KRTAP4-11: variants seen among roughly 807,000 people sequenced by gnomAD.
The protein encoded by KRTAP4-11 is keratin-associated protein 4-11.
KRTAP4-11 carries 3 observed loss-of-function variants against 3.4 expected under a neutral mutation model. That is an observed-to-expected ratio of 0.87 (90% CI 0.40 to 2.26). KRTAP4-11 has a LOEUF of 2.26. Ranked by LOEUF, KRTAP4-11 falls within the 30% of genes most tolerant of loss-of-function variation. The probability of loss-of-function intolerance (pLI) is 0.05; values close to 1 mark genes in which losing one functional copy is unlikely to be tolerated. For missense variants in KRTAP4-11, 248 were observed against 258.8 expected (o/e 0.96, Z 0.29); for synonymous variants, 94 against 89.4 (o/e 1.05, Z -0.29).
Position 41,117,843 on chromosome 17 carries a change from C to G in KRTAP4-11, c.473G>C (p.Cys158Ser), listed in dbSNP as rs779123087. 6 of 1,608,262 alleles carry G rather than the reference C, an allele frequency of 3.7e-6. No homozygotes were observed. In the Admixed American group the frequency reaches 8.6e-5, roughly 23 times the overall value. ...SCCESSCCRP[C>S]CCLRPVCGRV... ...GCCACAGACTGGACGCAGGCAGCAG[C>G]AGGGGCGGCAGCAGCTGGATTCACA... The change falls in exon 1 of 1, where the codon TGC (cysteine) becomes TCC (serine). Residue 158 changes from cysteine (C) to serine (S), a missense_variant. Physicochemically the swap from Cys to Ser is moderately radical, Grantham distance 112 (BLOSUM62 -1). This residue lies in a region of KRTAP4-11 where 131 missense variants were observed against 130.2 expected (regional missense o/e 1.01). Transcript: ENST00000391413.
rs2014329723 is a variant in KRTAP4-11, at chr17:41,118,268, G to A, written c.48C>T (p.Gly16=). ...AGCAGGTCTCCTGGCAGAGGTCTCG[G>A]CCACAGCCTTGGTGAGAGCACACGG... ...CGSVCSHQGC[G]RDLCQETCCR... is the part of the protein sequence containing the mutation. The change falls in exon 1 of 1, where the codon GGC becomes GGT. Residue 16 remains glycine (G), a synonymous_variant. Coordinates refer to ENST00000391413, the MANE Select transcript of KRTAP4-11 (RefSeq NM_033059.4). 1.9e-6 allele frequency: 3 copies of A among 1,612,944 alleles called. No homozygotes were observed. The highest frequency in any genetic ancestry group is 2.5e-6 in the Non-Finnish European group (3 of 1,179,582).
rs754866083 is a variant in KRTAP4-11, at chr17:41,117,961, A to G, written c.355T>C (p.Cys119Arg). The G allele has an allele frequency of 6.7e-7, 1 of 1,497,876 alleles. No individual in the cohort carries two copies. Among genetic ancestry groups the G allele is most frequent in the Non-Finnish European group, 9.0e-7 (1 of 1,113,988 alleles). 92.8% of individuals were successfully genotyped at this position (1,497,876 alleles called of 1,614,324 possible). A position where few individuals can be genotyped will look rare whatever the true frequency, so the allele number is the denominator to read the frequency against. The change falls in exon 1 of 1, where the codon TGC (cysteine) becomes CGC (arginine). Residue 119 changes from cysteine (C) to arginine (R), a missense_variant. Coordinates refer to ENST00000391413, the MANE Select transcript of KRTAP4-11 (RefSeq NM_033059.4). Reference protein sequence around the residue: ...CCRPSCCVSSCCRPQCCQSVC... With the variant: ...CCRPSCCVSSRCRPQCCQSVC... ...GACTGGCAGCACTGGGGTCTGCAGC[A>G]GCTGGACACACAGCAGCTGGGGCGA...
Position 41,117,613 on chromosome 17 carries a change from G to T in KRTAP4-11, c.*115C>A, listed in dbSNP as rs2014304420. On this transcript the variant is annotated 3_prime_UTR_variant, in exon 1 of 1. Transcript: ENST00000391413. The stretch of plus-strand genomic sequence containing the variant: ...GTGATGGGCTCATTGGAAACATGAA[G>T]TCCACCCTGCTGAATGACATCAATC... 1.4e-6 allele frequency: 2 copies of T among 1,443,476 alleles called. No individual in the cohort carries two copies. Among genetic ancestry groups the T allele is most frequent in the African/African-American group, 1.4e-5 (1 of 69,484 alleles). The allele number at this position is 1,443,476 out of a possible 1,614,324, so 89.4% of individuals were successfully genotyped here. A position where few individuals can be genotyped will look rare whatever the true frequency, so the allele number is the denominator to read the frequency against.
At position 41,118,088 on chromosome 17, in the gene KRTAP4-11, GCGACAGCAGC is replaced by G. The variant is rs747899852; in HGVS notation, c.218_227del (p.Ser73ThrfsTer171). Reference sequence around the variant, plus strand: ...AGCAGCTGGACACACAGCAGCTGGGGCGACAGCAGCTGGAGATGCAGCATCTGGGGCGGCA... The same window carrying G: ...AGCAGCTGGACACACAGCAGCTGGGGTGGAGATGCAGCATCTGGGGCGGCA... On this transcript the variant is annotated frameshift_variant, in exon 1 of 1. Coordinates refer to ENST00000391413, the MANE Select transcript of KRTAP4-11 (RefSeq NM_033059.4). LOFTEE classifies it low-confidence loss of function (END_TRUNC). 6.3e-7 allele frequency: 1 copy of G among 1,581,258 alleles called. No homozygotes were observed. The highest frequency in any genetic ancestry group is 1.5e-5 in the African/African-American group (1 of 67,316).
rs9897031 is a variant in KRTAP4-11 at position 41,118,266 on chromosome 17, C to G, written c.50G>C (p.Arg17Pro). 10 of 1,609,786 alleles carry G rather than the reference C, an allele frequency of 6.2e-6. No homozygotes were observed. Among genetic ancestry groups the G allele is most frequent in the African/African-American group, 2.7e-5 (2 of 73,850 alleles). Reference sequence around the variant, plus strand: ...GCAGCAGGTCTCCTGGCAGAGGTCTCGGCCACAGCCTTGGTGAGAGCACAC... The same window carrying G: ...GCAGCAGGTCTCCTGGCAGAGGTCTGGGCCACAGCCTTGGTGAGAGCACAC... Reference protein sequence around the residue: ...GSVCSHQGCGRDLCQETCCRP... With the variant: ...GSVCSHQGCGPDLCQETCCRP... Residue 17 changes from arginine to proline, a missense_variant, in exon 1 of 1, where the codon CGA becomes CCA. Arg to Pro is a moderately radical substitution (Grantham distance 103). This residue lies in a region of KRTAP4-11 where 110 missense variants were observed against 102.8 expected (regional missense o/e 1.07). Coordinates refer to ENST00000391413, the MANE Select transcript of KRTAP4-11 (RefSeq NM_033059.4).
In KRTAP4-11 at chr17:41,118,174, T is replaced by C. The variant is rs760092771; in HGVS notation, c.142A>G (p.Ser48Gly). Reference sequence around the variant, plus strand: ...TGGCAGCACTGGGGCCTGCAGCAGCTGGACACACAGCAGCTGGGGCGACAG... The same window carrying C: ...TGGCAGCACTGGGGCCTGCAGCAGCCGGACACACAGCAGCTGGGGCGACAG... ...TYCRPSCCVS[S>G]CCRPQCCQSV... Residue 48 changes from serine (S) to glycine (G), a missense_variant, in exon 1 of 1, where the codon AGC becomes GGC. By Grantham distance (56) the Ser-to-Gly change is moderately conservative. Around this residue, in one of 3 missense-constraint regions of KRTAP4-11, gnomAD observed 110 missense variants for 102.8 expected, o/e 1.07. Coordinates refer to ENST00000391413, the MANE Select transcript of KRTAP4-11 (RefSeq NM_033059.4). The C allele has an allele frequency of 6.8e-7, 1 of 1,461,026 alleles. No homozygotes were observed. The highest frequency in any genetic ancestry group is 2.7e-5 in the East Asian group (1 of 36,660). 90.5% of individuals were successfully genotyped at this position (1,461,026 alleles called of 1,614,324 possible).
chr17:41,117,922 G>A lies in KRTAP4-11; in HGVS notation c.394C>T (p.Pro132Ser), dbSNP rs776565236. 13 of 1,602,222 alleles carry A rather than the reference G, an allele frequency of 8.1e-6. No homozygotes were observed. Among genetic ancestry groups the A allele is most frequent in the Non-Finnish European group, 1.0e-5 (12 of 1,173,536 alleles). ...CTGCAGCTGGGGTGGCAGCAGGTGG[G>A]CTGGCAGCACACAGACTGGCAGCAC... ...PQCCQSVCCQ[P>S]TCCHPSCSIS... The change falls in exon 1 of 1, where the codon CCC (proline) becomes TCC (serine). Residue 132 changes from proline (P) to serine (S), a missense_variant. Pro to Ser is a moderately conservative substitution (Grantham distance 74, BLOSUM62 -1). Coordinates refer to ENST00000391413, the MANE Select transcript of KRTAP4-11 (RefSeq NM_033059.4).
chr17:41,118,128 G>T lies in KRTAP4-11; in HGVS notation c.188C>A (p.Thr63Asn), dbSNP rs2014323767. ...QCCQSVCCQP[T>N]CCRPRCCISS... ...GATGCAGCATCTGGGGCGGCAGCAG[G>T]TGGGCTGGCAGCACACAGACTGGCA... The change falls in exon 1 of 1, where the codon ACC becomes AAC. Residue 63 changes from threonine (T) to asparagine (N), a missense_variant. Thr to Asn is a moderately conservative substitution (Grantham distance 65, BLOSUM62 0). Coordinates refer to ENST00000391413, the MANE Select transcript of KRTAP4-11 (RefSeq NM_033059.4). 5 of 1,560,786 alleles carry T rather than the reference G, an allele frequency of 3.2e-6. No homozygotes were observed. In the South Asian group the frequency reaches 5.8e-5, roughly 18 times the overall value.
chr17:41,118,310 T>G lies in KRTAP4-11; in HGVS notation c.6A>C (p.Val2=), dbSNP rs187283337. The change falls in exon 1 of 1, where the codon GTA becomes GTC. Residue 2 remains valine, a synonymous_variant. Transcript: ENST00000391413. Reference sequence around the variant, plus strand: ...AGCACACGGAGCCACAACAGGAGTTTACCATGGTGTCAGAGGGTGAAGGAT... The same window carrying G: ...AGCACACGGAGCCACAACAGGAGTTGACCATGGTGTCAGAGGGTGAAGGAT... M[V]NSCCGSVCSH... is the part of the protein sequence containing the mutation. 56 of 1,597,672 alleles carry G rather than the reference T, an allele frequency of 3.5e-5. No individual in the cohort carries two copies. In the Middle Eastern group the frequency reaches 1.2e-3, roughly 33 times the overall value.
At position 41,117,941 on chromosome 17, in the gene KRTAP4-11, G is replaced by T; in HGVS notation, c.375C>A (p.Cys125Ter). The T allele has an allele frequency of 6.4e-7, 1 of 1,554,060 alleles. No homozygotes were observed. ...AGGTGGGCTGGCAGCACACAGACTG[G>T]CAGCACTGGGGTCTGCAGCAGCTGG... The part of the protein sequence containing the change: ...CVSSCCRPQC[C>*]QSVCCQPTCC... Residue 125 changes from cysteine to a stop codon, truncating the protein, a stop_gained, in exon 1 of 1, where the codon TGC becomes TGA. Coordinates refer to ENST00000391413, the MANE Select transcript of KRTAP4-11 (RefSeq NM_033059.4). LOFTEE classifies it low-confidence loss of function (END_TRUNC).
rs1419736541 is a variant in KRTAP4-11 at position 41,117,544 on chromosome 17, G to C, written c.*184C>G. On this transcript the variant is annotated 3_prime_UTR_variant, in exon 1 of 1. Transcript: ENST00000391413. The stretch of plus-strand genomic sequence containing the variant: ...TGGAAGAGAAAGAAAGCAAGGGAGG[G>C]AGTTTAAAATGAACCAGAATGTTCT... The C allele has an allele frequency of 2.5e-5, 24 of 962,860 alleles. No homozygotes were observed. In the East Asian group the frequency reaches 6.4e-4, roughly 26 times the overall value. 59.6% of individuals were successfully genotyped at this position (962,860 alleles called of 1,614,324 possible). A position where few individuals can be genotyped will look rare whatever the true frequency, so the allele number is the denominator to read the frequency against.
At position 41,117,767 on chromosome 17, in the gene KRTAP4-11, G is replaced by A. The variant is rs1174920166; in HGVS notation, c.549C>T (p.Ser183=). ...TCYRPTCVIS[S]CPRPLCCASS... is the part of the protein sequence containing the mutation. ...AGGCACAGCACAAGGGGCGGGGGCA[G>A]CTGGAGATGACACAGGTTGGGCGAT... The change falls in exon 1 of 1, where the codon AGC becomes AGT. Residue 183 remains serine (S), a synonymous_variant. Transcript: ENST00000391413. 2 of 1,591,988 alleles carry A rather than the reference G, an allele frequency of 1.3e-6. No individual in the cohort carries two copies. Among genetic ancestry groups the A allele is most frequent in the Admixed American group, 1.8e-5 (1 of 55,558 alleles).
rs1391662002 is a variant in KRTAP4-11, at chr17:41,118,041, G to T, written c.275C>A (p.Ser92Tyr). ...SSCCKPQCCQ[S>Y]MCCQPTCCRP... is the part of the protein sequence containing the mutation. ...GCAGCAAGTGGGCTGGCAGCACATA[G>T]ACTGGCAGCACTGGGGCTTGCAGCA... The change falls in exon 1 of 1, where the codon TCT (serine) becomes TAT (tyrosine). Residue 92 changes from serine (S) to tyrosine (Y), a missense_variant. By Grantham distance (144) the Ser-to-Tyr change is moderately radical. Coordinates refer to ENST00000391413, the MANE Select transcript of KRTAP4-11 (RefSeq NM_033059.4). The T allele has an allele frequency of 2.6e-6, 4 of 1,520,280 alleles. No homozygotes were observed. The Admixed American group carries it at 7.3e-5, about 28-fold the overall frequency. The allele number at this position is 1,520,280 out of a possible 1,614,324, so 94.2% of individuals were successfully genotyped here. A position where few individuals can be genotyped will look rare whatever the true frequency, so the allele number is the denominator to read the frequency against.
In KRTAP4-11 at chr17:41,117,989, G is replaced by A. The variant is rs2014318238; in HGVS notation, c.327C>T (p.Cys109=). Residue 109 remains cysteine (C), a synonymous_variant, in exon 1 of 1, where the codon TGC becomes TGT. Coordinates refer to ENST00000391413, the MANE Select transcript of KRTAP4-11 (RefSeq NM_033059.4). ...TGGACACACAGCAGCTGGGGCGACA[G>A]CAGCTGGAGATGCAGCATCTGGGGC... ...CCRPRCCISS[C]CRPSCCVSSC... is the part of the protein sequence containing the mutation. The A allele has an allele frequency of 6.8e-7, 1 of 1,480,220 alleles. No homozygotes were observed. The highest frequency in any genetic ancestry group is 9.1e-7 in the Non-Finnish European group (1 of 1,103,518). 91.7% of individuals were successfully genotyped at this position (1,480,220 alleles called of 1,614,324 possible).
chr17:41,117,845 G>T lies in KRTAP4-11; in HGVS notation c.471C>A (p.Pro157=), dbSNP rs748725830. 3.6e-5 allele frequency: 57 copies of T among 1,602,772 alleles called. No homozygotes were observed. The highest frequency in any genetic ancestry group is 2.7e-4 in the African/African-American group (20 of 74,242). Residue 157 remains proline (P), a synonymous_variant, in exon 1 of 1, where the codon CCC becomes CCA. Coordinates refer to ENST00000391413, the MANE Select transcript of KRTAP4-11 (RefSeq NM_033059.4). ...PSCCESSCCR[P]CCCLRPVCGR... ...CACAGACTGGACGCAGGCAGCAGCAGGGGCGGCAGCAGCTGGATTCACAGC... is the reference window on the plus strand; with the variant it reads ...CACAGACTGGACGCAGGCAGCAGCATGGGCGGCAGCAGCTGGATTCACAGC...
In KRTAP4-11 at chr17:41,117,328, C is replaced by T. The variant is rs2014298199; in HGVS notation, c.*400G>A. 1.3e-5 allele frequency: 3 copies of T among 238,214 alleles called. No individual in the cohort carries two copies. Among genetic ancestry groups the T allele is most frequent in the Non-Finnish European group, 2.4e-5 (3 of 123,850 alleles). 14.8% of individuals were successfully genotyped at this position (238,214 alleles called of 1,614,324 possible). On this transcript the variant is annotated 3_prime_UTR_variant, in exon 1 of 1. Coordinates refer to ENST00000391413, the MANE Select transcript of KRTAP4-11 (RefSeq NM_033059.4). The stretch of plus-strand genomic sequence containing the variant: ...AGGAGAGCATGGGAGGGGCAGCCTC[C>T]TACCTTTCCAAGAGAAAAGAATGAC...
At position 41,117,596 on chromosome 17, in the gene KRTAP4-11, C is replaced by T. The variant is rs1217710761; in HGVS notation, c.*132G>A. 2 of 1,382,386 alleles carry T rather than the reference C, an allele frequency of 1.4e-6. No individual in the cohort carries two copies. The highest frequency in any genetic ancestry group is 1.5e-5 in the African/African-American group (1 of 67,916). The allele number at this position is 1,382,386 out of a possible 1,614,324, so 85.6% of individuals were successfully genotyped here. ...ACAGAGTCAGTGGGATGGTGATGGG[C>T]TCATTGGAAACATGAAGTCCACCCT... On this transcript the variant is annotated 3_prime_UTR_variant, in exon 1 of 1. Coordinates refer to ENST00000391413, the MANE Select transcript of KRTAP4-11 (RefSeq NM_033059.4).
In KRTAP4-11 at chr17:41,117,405, C is replaced by A; in HGVS notation, c.*323G>T. On this transcript the variant is annotated 3_prime_UTR_variant, in exon 1 of 1. Coordinates refer to ENST00000391413, the MANE Select transcript of KRTAP4-11 (RefSeq NM_033059.4). ...TTTGAAATGGAGATAATGTGTACCTCACTGGGAAGGATATTCTGTAGGCTC... is the reference window on the plus strand; with the variant it reads ...TTTGAAATGGAGATAATGTGTACCTAACTGGGAAGGATATTCTGTAGGCTC... 1 of 474,890 alleles carries A rather than the reference C, an allele frequency of 2.1e-6. No individual in the cohort carries two copies. 29.4% of individuals were successfully genotyped at this position (474,890 alleles called of 1,614,324 possible). A position where few individuals can be genotyped will look rare whatever the true frequency, so the allele number is the denominator to read the frequency against.
rs1222906391 is a variant in KRTAP4-11 at position 41,117,646 on chromosome 17, A to T, written c.*82T>A. 6.7e-7 allele frequency: 1 copy of T among 1,494,832 alleles called. No homozygotes were observed. Among genetic ancestry groups the T allele is most frequent in the African/African-American group, 1.4e-5 (1 of 71,484 alleles). 92.6% of individuals were successfully genotyped at this position (1,494,832 alleles called of 1,614,324 possible). On this transcript the variant is annotated 3_prime_UTR_variant, in exon 1 of 1. Coordinates refer to ENST00000391413, the MANE Select transcript of KRTAP4-11 (RefSeq NM_033059.4). The stretch of plus-strand genomic sequence containing the variant: ...TGCTGAATGACATCAATCCCACTCC[A>T]TGTGTCCTAATAGTCAGCACAGAAG...
Sources: gnomAD v4.1 joint callset for allele counts on GRCh38, gnomAD v4.1.1 for gene constraint, gnomAD v4.1.1 regional missense constraint, MANE v1.5 for transcripts, NCBI Gene and HGNC (gene_info 2026-07-23, HGNC 2026-07-21) for gene names.